The following POTEC variants were observed in gnomAD, a reference collection of about 807,000 sequenced individuals.
The protein encoded by POTEC is POTE ankyrin domain family member C.
In POTEC, 35 loss-of-function variants were observed where a neutral mutation model predicts 62.0. That is an observed-to-expected ratio of 0.56 (90% CI 0.43 to 0.75). The LOEUF is 0.75. Ranked by LOEUF, POTEC falls within the 30% of genes least tolerant of loss-of-function variation. The pLI is 0.00. For synonymous variants in POTEC, 156 were observed against 221.5 expected (o/e 0.70, Z 2.62); for missense variants, 472 against 655.9 (o/e 0.72, Z 3.06).
chr18:14,511,924 T>G lies in POTEC; in HGVS notation c.1603A>C (p.Met535Leu). Residue 535 changes from methionine to leucine, a missense_variant, in exon 11 of 11, where the codon ATG becomes CTG. Coordinates refer to ENST00000358970, the MANE Select transcript of POTEC (RefSeq NM_001137671.2). ...TAGTTCCAGTCTCCAGAAATTAGCA[T>G]GGCAATTTCTTCCTGCAACATGCTG... Reference protein sequence around the residue: ...ENSMLQEEIAMLISGDWN With the variant: ...ENSMLQEEIALLISGDWN 6.2e-7 allele frequency: 1 copy of G among 1,613,878 alleles called. No individual in the cohort carries two copies. The highest frequency in any genetic ancestry group is 1.1e-5 in the South Asian group (1 of 91,078).
chr18:14,520,180 A>C (rs1311626992), intron 9 of POTEC, among the ~76,000 whole-genome samples: 1 of 152,178 alleles, frequency 6.6e-6, no homozygotes, highest in East Asian at 1.9e-4. Context: ...AGTAATAGAC[A>C]AATAGTTTCA....
rs1909884028 is a variant in POTEC, at chr18:14,507,747, T to A, written c.*4151A>T. ...TTTCTTTCCATATTTAGTGCTTCCTTCAGGAGCTCTTGTAAGGTAGGTCTG... is the reference window on the plus strand; with the variant it reads ...TTTCTTTCCATATTTAGTGCTTCCTACAGGAGCTCTTGTAAGGTAGGTCTG... On this transcript the variant is annotated 3_prime_UTR_variant, in exon 11 of 11. Coordinates refer to ENST00000358970, the MANE Select transcript of POTEC (RefSeq NM_001137671.2). The A allele has an allele frequency of 6.6e-6, 1 of 152,224 alleles. No homozygotes were observed. 9.4% of individuals were successfully genotyped at this position (152,224 alleles called of 1,614,324 possible). A position where few individuals can be genotyped will look rare whatever the true frequency, so the allele number is the denominator to read the frequency against.
In POTEC at chr18:14,527,556, T is replaced by C. The variant is rs575144590; in HGVS notation, c.1127-2573A>G. 9.9e-3 allele frequency among the ~76,000 whole-genome samples: 1,499 copies of C among 152,032 alleles called. 15 individuals are homozygous for C. The highest frequency in any genetic ancestry group is 0.021 in the South Asian group (101 of 4,812). ...CCAGGTTAAATACTAGTGTACAACGTGGAAACCTGTAAATTATCTGACATT... is the reference window on the plus strand; with the variant it reads ...CCAGGTTAAATACTAGTGTACAACGCGGAAACCTGTAAATTATCTGACATT... On this transcript the variant is annotated intron_variant, in intron 6 of 10. Transcript: ENST00000358970.
At chr18:14,520,265 C>T (rs908612891) in intron 9 of POTEC, among the ~76,000 whole-genome samples, 8 of 151,650 alleles carry the variant, frequency 5.3e-5, no homozygotes, top group Non-Finnish European at 8.8e-5. Flanking sequence ...AAATTATACA[C>T]ATTTGGCATT....
At chr18:14,524,803 A>G in intron 7 of POTEC, 110 bp downstream of exon 7, 1 of 1,187,868 alleles carries the variant, frequency 8.4e-7, no homozygotes, top group African/African-American at 1.6e-5. Context: ...AAAAGAATCT[A>G]TTGATTCTTA....
chr18:14,534,865 C>G (rs1156374352), intron 4 of POTEC, 36 bp downstream of exon 4: 1 of 1,522,794 alleles, frequency 6.6e-7, no homozygotes, highest in East Asian at 2.4e-5. Context: ...TGCTATCAAT[C>G]TAGAACAACA....
chr18:14,538,209 C>A lies in POTEC; in HGVS notation c.562G>T (p.Val188Leu), dbSNP rs1905815322. The A allele has an allele frequency of 1.2e-6, 2 of 1,608,948 alleles. No individual in the cohort carries two copies. The highest frequency in any genetic ancestry group is 3.4e-5 in the Admixed American group (2 of 59,204). ...HLASANGNSE[V>L]VQLLLDRRCQ... is the part of the protein sequence containing the mutation. The stretch of plus-strand genomic sequence containing the variant: ...CGTCTGTCCAGCAGGAGTTGTACTA[C>A]TTCTGAATTTCCATTGGCAGAGGCC... Residue 188 changes from valine (V) to leucine (L), a missense_variant, in exon 2 of 11, where the codon GTA (valine) becomes TTA (leucine). This residue lies in a region of POTEC where 257 missense variants were observed against 250.7 expected (regional missense o/e 1.03). Transcript: ENST00000358970.
chr18:14,526,075 T>C (rs1055360188), intron 6 of POTEC, among the ~76,000 whole-genome samples: 2 of 151,932 alleles, frequency 1.3e-5, no homozygotes, highest in African/African-American at 4.8e-5. Context: ...CTAATTTTTG[T>C]ATTTTTAGTA....
rs1457383679 is a variant in POTEC, at chr18:14,508,123, T to TG, written c.*3774dup. 6.6e-6 allele frequency: 1 copy of TG among 152,226 alleles called. No homozygotes were observed. Among genetic ancestry groups the TG allele is most frequent in the Non-Finnish European group, 1.5e-5 (1 of 68,040 alleles). The allele number at this position is 152,226 out of a possible 1,614,324, so 9.4% of individuals were successfully genotyped here. On this transcript the variant is annotated 3_prime_UTR_variant, in exon 11 of 11. Transcript: ENST00000358970. Reference sequence around the variant, plus strand: ...TGAATGTTGGCCTGTCTGGCTAGGTTGGGGACATTCTCATGAATGATATTC... The same window carrying TG: ...TGAATGTTGGCCTGTCTGGCTAGGTTGGGGGACATTCTCATGAATGATATTC...
At chr18:14,513,519 G>T in intron 10 of POTEC, 143 bp downstream of exon 10, 2 of 1,309,306 alleles carry the variant, frequency 1.5e-6, no homozygotes, top group Non-Finnish European at 2.0e-6. Flanking sequence ...GATATACAGG[G>T]TGTGTGTTTA....
chr18:14,521,426 G>C (rs1237833099), intron 9 of POTEC, among the ~76,000 whole-genome samples: 5 of 152,076 alleles, frequency 3.3e-5, no homozygotes, highest in Non-Finnish European at 7.4e-5. Flanking sequence ...TATTTTCTGG[G>C]TATGAAAATT....
At position 14,542,857 on chromosome 18, in the gene POTEC, T is replaced by C. The variant is rs1905996019; in HGVS notation, c.290A>G (p.Lys97Arg). The change falls in exon 1 of 11, where the codon AAG (lysine) becomes AGG (arginine). Residue 97 changes from lysine (K) to arginine (R), a missense_variant. Physicochemically the swap from Lys to Arg is conservative, Grantham distance 26. Transcript: ENST00000358970. Reference sequence around the variant, plus strand: ...GCAGTGACAGCACCACTTGCCCATCTTGCTCCTGAGCGTCTTCATAAAGGA... The same window carrying C: ...GCAGTGACAGCACCACTTGCCCATCCTGCTCCTGAGCGTCTTCATAAAGGA... ...DNSFMKTLRSKMGKWCCHCFP... is the reference protein window; with the variant it reads ...DNSFMKTLRSRMGKWCCHCFP... 7.6e-7 allele frequency: 1 copy of C among 1,308,118 alleles called. No individual in the cohort carries two copies. Among genetic ancestry groups the C allele is most frequent in the Non-Finnish European group, 1.1e-6 (1 of 937,406 alleles). 81.0% of individuals were successfully genotyped at this position (1,308,118 alleles called of 1,614,324 possible).
rs558899926 is a variant in POTEC at position 14,520,919 on chromosome 18, G to A, written c.1409+1335C>T. Among the ~76,000 whole-genome samples the A allele has an allele frequency of 1.9e-4, 29 of 152,174 alleles. 1 individual carries two copies. The South Asian group carries it at 6.0e-3, about 32-fold the overall frequency. Reference sequence around the variant, plus strand: ...GAGCCCAGAAAGTCAAGGCTGCAGTGAGCTGTGATCACACAATTGCACTCC... The same window carrying A: ...GAGCCCAGAAAGTCAAGGCTGCAGTAAGCTGTGATCACACAATTGCACTCC... On this transcript the variant is annotated intron_variant, in intron 9 of 10. Coordinates refer to ENST00000358970, the MANE Select transcript of POTEC (RefSeq NM_001137671.2).
chr18:14,542,234 GATTTT>G lies in POTEC; in HGVS notation c.521+387_521+391del, dbSNP rs539273324. Among the ~76,000 whole-genome samples the G allele has an allele frequency of 3.0e-4, 46 of 152,164 alleles. 2 individuals are homozygous for G. In the South Asian group the frequency reaches 9.3e-3, roughly 31 times the overall value. ...GCACATCGATATAAAATCCATATTG[GATTTT>G]ATTTGAAAAATATTTAGCCCAGAAG... On this transcript the variant is annotated intron_variant, in intron 1 of 10. Coordinates refer to ENST00000358970, the MANE Select transcript of POTEC (RefSeq NM_001137671.2).
chr18:14,535,252 T>A (rs1905673401), intron 3 of POTEC, among the ~76,000 whole-genome samples: 1 of 147,028 alleles, frequency 6.8e-6, no homozygotes, highest in Admixed American at 6.8e-5. Context: ...AGACTCTTTG[T>A]TTCTAAACGA....
chr18:14,512,101 A>G (rs1445681718), intron 10 of POTEC, 108 bp from the exon 11 acceptor site: 6 of 890,434 alleles, frequency 6.7e-6, no homozygotes, highest in Non-Finnish European at 1.0e-5. Flanking sequence ...AATAATTCCC[A>G]TAGTGGATAT....
At chr18:14,526,510 G>T (rs1368516324) in intron 6 of POTEC, among the ~76,000 whole-genome samples, 1 of 152,090 alleles carries the variant, frequency 6.6e-6, no homozygotes, top group Non-Finnish European at 1.5e-5. Flanking sequence ...GCCTGTCAGG[G>T]ATGGCTTTTC....
chr18:14,524,117 C>G (rs968343765), intron 7 of POTEC, among the ~76,000 whole-genome samples: 1 of 151,958 alleles, frequency 6.6e-6, no homozygotes, highest in Admixed American at 6.6e-5. Context: ...CTGCTTAAGT[C>G]CAGTTCTAAT....
intron 5 of POTEC, 89 bp downstream of exon 5, chr18:14,532,972 G>C: frequency 1.3e-6 from 2 of 1,594,508 alleles, no homozygotes. Context: ...ACCAAACTAT[G>C]ACATCTCACC....
Sources: allele counts gnomAD v4.1 joint callset (sites outside exome capture counted in the v4.1 genomes callset), GRCh38; gene constraint gnomAD v4.1.1; regional missense constraint gnomAD v4.1.1; transcripts MANE v1.5; gene names NCBI Gene and HGNC (gene_info 2026-07-23, HGNC 2026-07-21).